The following GPATCH2 variants were observed in gnomAD, a reference collection of about 807,000 sequenced individuals.
GPATCH2 encodes G patch domain-containing protein 2.
Under a neutral mutation model 58.0 loss-of-function variants are expected in GPATCH2, and 51 were observed. That is an observed-to-expected ratio of 0.88 (90% CI 0.70 to 1.11). The LOEUF is 1.11. Ranked by LOEUF, GPATCH2 falls within the 50% of genes most tolerant of loss-of-function variation. GPATCH2 has a pLI of 0.00. For missense variants in GPATCH2, 625 were observed against 652.2 expected (o/e 0.96, Z 0.45); for synonymous variants, 222 against 218.5 (o/e 1.02, Z -0.14).
rs541621335 is a variant in GPATCH2 at position 217,428,156 on chromosome 1, GTCAAGTTGCTAATGTAA to G, written c.*2972_*2988del. The G allele has an allele frequency of 3.7e-4, 57 of 152,276 alleles. No homozygotes were observed. Among genetic ancestry groups the G allele is most frequent in the African/African-American group, 1.3e-3 (54 of 41,570 alleles). The allele number at this position is 152,276 out of a possible 1,614,324, so 9.4% of individuals were successfully genotyped here. ...TCAAGTATAACAAATTTTTTAAACAGTCAAGTTGCTAATGTAATCATGCTCAGCGTCTCTAGGCTATT... is the reference window on the plus strand; with the variant it reads ...TCAAGTATAACAAATTTTTTAAACAGTCATGCTCAGCGTCTCTAGGCTATT... On this transcript the variant is annotated 3_prime_UTR_variant, in exon 10 of 10. Coordinates refer to ENST00000366935, the MANE Select transcript of GPATCH2 (RefSeq NM_018040.5).
rs551912233 is a variant in GPATCH2, at chr1:217,618,897, A to C, written c.773+886T>G. ...AGAATCACCTGAACCCAGGAAGTGG[A>C]GGTTGCAATGAGCTGAGATCACACC... On this transcript the variant is annotated intron_variant, in intron 2 of 9. Coordinates refer to ENST00000366935, the MANE Select transcript of GPATCH2 (RefSeq NM_018040.5). Among the ~76,000 whole-genome samples, 49 of 151,504 alleles carry C rather than the reference A, an allele frequency of 3.2e-4. 1 individual carries two copies. Among genetic ancestry groups the C allele is most frequent in the African/African-American group, 1.0e-3 (42 of 41,354 alleles).
At chr1:217,542,801 T>G (rs1347786814) in intron 5 of GPATCH2, among the ~76,000 whole-genome samples, 1 of 152,212 alleles carries the variant, frequency 6.6e-6, no homozygotes, top group African/African-American at 2.4e-5. Flanking sequence ...TAGGGTTTAA[T>G]ATCCTCCAGA....
chr1:217,524,588 G>C (rs375087119), intron 5 of GPATCH2, among the ~76,000 whole-genome samples: 1 of 151,738 alleles, frequency 6.6e-6, no homozygotes. Context: ...ACTGAGTGAA[G>C]GAGACTCCGT....
At chr1:217,548,890 C>T (rs1665207611) in intron 5 of GPATCH2, among the ~76,000 whole-genome samples, 1 of 152,160 alleles carries the variant, frequency 6.6e-6, no homozygotes, top group African/African-American at 2.4e-5. Context: ...GTCAATAAAA[C>T]CTCTTTTCTT....
chr1:217,449,738 A>G (rs946884866), intron 8 of GPATCH2, among the ~76,000 whole-genome samples: 1 of 152,210 alleles, frequency 6.6e-6, no homozygotes, highest in African/African-American at 2.4e-5. Flanking sequence ...TTACAGGAAA[A>G]GTATGATCAA....
intron 8 of GPATCH2, among the ~76,000 whole-genome samples, chr1:217,487,451 G>A (rs1661507563): frequency 6.9e-6 from 1 of 145,168 alleles, no homozygotes; most frequent in African/African-American, 2.6e-5. Flanking sequence ...TTGAGTCGGA[G>A]TTTCACTCTT....
At chr1:217,598,206 C>T (rs1318459273) in intron 5 of GPATCH2, among the ~76,000 whole-genome samples, 2 of 151,742 alleles carry the variant, frequency 1.3e-5, no homozygotes, top group Admixed American at 6.6e-5. Flanking sequence ...GCCAACATAT[C>T]GAAACCCTGA....
chr1:217,439,215 A>T (rs535044261), intron 9 of GPATCH2, among the ~76,000 whole-genome samples: 2 of 152,312 alleles, frequency 1.3e-5, no homozygotes, highest in South Asian at 2.1e-4. Context: ...TAAGAAACTC[A>T]CTCAAAACCA....
intron 5 of GPATCH2, 170 bp downstream of exon 5, chr1:217,610,151 A>G: frequency 6.4e-7 from 1 of 1,560,574 alleles, no homozygotes; most frequent in South Asian, 1.2e-5. Flanking sequence ...TAGCATTAGA[A>G]GATTTGGTTT....
intron 5 of GPATCH2, among the ~76,000 whole-genome samples, chr1:217,522,507 C>T (rs555056615): frequency 6.6e-6 from 1 of 152,176 alleles, no homozygotes; most frequent in African/African-American, 2.4e-5. Context: ...CTTCTTAAAT[C>T]CCTCATTTAT....
intron 5 of GPATCH2, among the ~76,000 whole-genome samples, chr1:217,561,634 G>A (rs911839103): frequency 2.0e-5 from 3 of 152,118 alleles, no homozygotes; most frequent in Non-Finnish European, 2.9e-5. Flanking sequence ...TTCCTCTTCT[G>A]CCAATGGTCT....
chr1:217,614,072 AC>A (rs1668765952), intron 3 of GPATCH2, 68 bp downstream of exon 3: 2 of 849,656 alleles, frequency 2.4e-6, no homozygotes, highest in Non-Finnish European at 4.1e-6. Flanking sequence ...TTATGAAATA[AC>A]CAGTAATAAG....
chr1:217,615,978 A>C (rs1166504826), intron 2 of GPATCH2, among the ~76,000 whole-genome samples: 1 of 152,156 alleles, frequency 6.6e-6, no homozygotes, highest in African/African-American at 2.4e-5. Context: ...AAGTTGACTA[A>C]AAGTAATGTG....
intron 5 of GPATCH2, among the ~76,000 whole-genome samples, chr1:217,607,405 T>C (rs926186962): frequency 6.6e-6 from 1 of 152,156 alleles, no homozygotes; most frequent in African/African-American, 2.4e-5. Context: ...GATTATTCTG[T>C]TTTAAATAGC....
intron 5 of GPATCH2, among the ~76,000 whole-genome samples, chr1:217,545,105 C>T (rs1284680635): frequency 1.3e-5 from 2 of 152,200 alleles, no homozygotes; most frequent in Admixed American, 6.5e-5. Flanking sequence ...CTGAACAGTG[C>T]CATTTCCTTT....
chr1:217,581,082 T>C (rs1235669668), intron 5 of GPATCH2, among the ~76,000 whole-genome samples: 1 of 151,346 alleles, frequency 6.6e-6, no homozygotes, highest in Non-Finnish European at 1.5e-5. Flanking sequence ...TAAATCAGAA[T>C]TGACATTTTA....
intron 5 of GPATCH2, among the ~76,000 whole-genome samples, chr1:217,553,536 A>G (rs1462217283): frequency 1.3e-5 from 2 of 152,148 alleles, no homozygotes; most frequent in Non-Finnish European, 2.9e-5. Context: ...TGTATACTAG[A>G]TATATTAACA....
At chr1:217,496,202 A>G (rs1661999481) in intron 7 of GPATCH2, among the ~76,000 whole-genome samples, 1 of 152,208 alleles carries the variant, frequency 6.6e-6, no homozygotes, top group Admixed American at 6.5e-5. Flanking sequence ...TACATGTACA[A>G]TTCATTGTCA....
chr1:217,452,243 A>G (rs1470833662), intron 8 of GPATCH2, among the ~76,000 whole-genome samples: 1 of 152,216 alleles, frequency 6.6e-6, no homozygotes, highest in Non-Finnish European at 1.5e-5. Flanking sequence ...TATAATAACT[A>G]AAGAATGATG....
Sources: allele counts gnomAD v4.1 joint callset (sites outside exome capture counted in the v4.1 genomes callset), GRCh38; gene constraint gnomAD v4.1.1; transcripts MANE v1.5; gene names NCBI Gene and HGNC (gene_info 2026-07-23, HGNC 2026-07-21).